The following AFM variants were observed in gnomAD, a reference collection of about 807,000 sequenced individuals.
AFM encodes the protein alpha-Alb.
AFM carries 82 observed loss-of-function variants against 68.7 expected under a neutral mutation model. That is an observed-to-expected ratio of 1.19 (90% confidence interval 1.00 to 1.43). The LOEUF (loss-of-function observed/expected upper bound fraction) is 1.43, where lower values mean the gene tolerates loss of function less well. AFM is among the 40% of genes most tolerant of loss of function. AFM has a pLI of 0.00. For missense variants in AFM, 772 were observed against 701.8 expected (o/e 1.10, Z -1.13); for synonymous variants, 250 against 234.2 (o/e 1.07, Z -0.61).
chr4:73,487,873 C>A (rs763114702), intron 6 of AFM, 52 bp downstream of exon 6: 1 of 1,288,026 alleles, frequency 7.8e-7, no homozygotes, highest in South Asian at 1.2e-5. Flanking sequence ...TTGTCTGTGT[C>A]CCATTTTTGT....
At position 73,487,747 on chromosome 4, in the gene AFM, A is replaced by G. The variant is rs1169665000; in HGVS notation, c.639A>G (p.Leu213=). Residue 213 remains leucine, a synonymous_variant, in exon 6 of 15, where the codon TTA becomes TTG. Coordinates refer to ENST00000226355, the MANE Select transcript of AFM (RefSeq NM_001133.2). The part of the protein sequence containing the change: ...QTRAIPVTQY[L]KAFSSYQKHV... Reference sequence around the variant, plus strand: ...AGGCAATACCTGTCACACAATATTTAAAAGCATTTTCTTCTTATCAAAAAC... The same window carrying G: ...AGGCAATACCTGTCACACAATATTTGAAAGCATTTTCTTCTTATCAAAAAC... The G allele has an allele frequency of 4.3e-6, 7 of 1,612,546 alleles. No homozygotes were observed. The African/African-American group carries it at 6.7e-5, about 15-fold the overall frequency.
At position 73,499,256 on chromosome 4, in the gene AFM, G is replaced by A. The variant is rs780430227; in HGVS notation, c.1422+10G>A. 3.2e-5 allele frequency: 51 copies of A among 1,594,274 alleles called. No individual in the cohort carries two copies. The South Asian group carries it at 5.7e-4, about 18-fold the overall frequency. On this transcript the variant is annotated intron_variant, in intron 11 of 14. Transcript: ENST00000226355. ...CTGTGTTGATAATTTGGTGAGCATGGCCTGTGTACCAGACTACTCTTTTTT... is the reference window on the plus strand; with the variant it reads ...CTGTGTTGATAATTTGGTGAGCATGACCTGTGTACCAGACTACTCTTTTTT...
At chr4:73,499,273 C>T in intron 11 of AFM, 27 bp downstream of exon 11, 2 of 1,418,208 alleles carry the variant, frequency 1.4e-6, no homozygotes, top group Admixed American at 2.8e-5. Context: ...TACCAGACTA[C>T]TCTTTTTTTT....
intron 8 of AFM, among the ~76,000 whole-genome samples, chr4:73,494,066 T>A (rs1008951679): frequency 6.9e-6 from 1 of 145,770 alleles, no homozygotes. Context: ...TTTAGGTGTG[T>A]GTGTGTGTGT....
chr4:73,493,385 G>A (rs984109176), intron 8 of AFM, among the ~76,000 whole-genome samples: 2 of 152,172 alleles, frequency 1.3e-5, no homozygotes, highest in African/African-American at 4.8e-5. Context: ...GGTTTTGTGA[G>A]AAAGATAATA....
At chr4:73,495,832 T>C (rs1432112664) in intron 9 of AFM, among the ~76,000 whole-genome samples, 3 of 152,234 alleles carry the variant, frequency 2.0e-5, no homozygotes, top group Non-Finnish European at 4.4e-5. Flanking sequence ...AATGATTGAT[T>C]GTTGTTGATT....
In AFM at chr4:73,488,634, A is replaced by G. The variant is rs747348661; in HGVS notation, c.718A>G (p.Ile240Val). 4 of 1,606,402 alleles carry G rather than the reference A, an allele frequency of 2.5e-6. No individual in the cohort carries two copies. The highest frequency in any genetic ancestry group is 3.4e-6 in the Non-Finnish European group (4 of 1,177,314). The change falls in exon 7 of 15, where the codon ATT becomes GTT. Residue 240 changes from isoleucine (I) to valine (V), a missense_variant. Coordinates refer to ENST00000226355, the MANE Select transcript of AFM (RefSeq NM_001133.2). ...GTTTATCAATTCTCTTTCCAGATAT[A>G]TTGCGATACTCAGTCAAAAATTCCC... ...FGTKVVHFIYIAILSQKFPKI... is the reference protein window; with the variant it reads ...FGTKVVHFIYVAILSQKFPKI...
chr4:73,502,485 G>A (rs1346446075), intron 13 of AFM, among the ~76,000 whole-genome samples: 2 of 152,164 alleles, frequency 1.3e-5, no homozygotes, highest in African/African-American at 4.8e-5. Flanking sequence ...TCGCTCCAGT[G>A]AAGGTAGTCT....
intron 7 of AFM, among the ~76,000 whole-genome samples, chr4:73,490,960 C>T (rs1224739295): frequency 6.6e-6 from 1 of 152,146 alleles, no homozygotes; most frequent in African/African-American, 2.4e-5. Flanking sequence ...TGAGCTTCAT[C>T]TTATTCCTTA....
chr4:73,499,110 T>C lies in AFM; in HGVS notation c.1290-4T>C. 2 of 1,609,220 alleles carry C rather than the reference T, an allele frequency of 1.2e-6. No homozygotes were observed. The highest frequency in any genetic ancestry group is 2.2e-5 in the South Asian group (2 of 90,226). ...CAGAACCAAACAGACAAATGTTCTT[T>C]CAGTTACCTCATCAGGCTCACGAAG... On this transcript the variant is annotated splice_polypyrimidine_tract_variant and splice_region_variant and intron_variant, in intron 10 of 14. Coordinates refer to ENST00000226355, the MANE Select transcript of AFM (RefSeq NM_001133.2).
chr4:73,495,894 G>C (rs1367553441), intron 9 of AFM, among the ~76,000 whole-genome samples: 1 of 152,038 alleles, frequency 6.6e-6, no homozygotes. Context: ...TCTCCCACTG[G>C]GAAATAGCTA....
At position 73,487,040 on chromosome 4, in the gene AFM, G is replaced by A. The variant is rs765092324; in HGVS notation, c.556G>A (p.Glu186Lys). The A allele has an allele frequency of 1.2e-6, 2 of 1,613,914 alleles. No homozygotes were observed. The highest frequency in any genetic ancestry group is 2.2e-5 in the South Asian group (2 of 91,050). Residue 186 changes from glutamate (E) to lysine (K), a missense_variant, in exon 5 of 15, where the codon GAG becomes AAG. By Grantham distance (56) the Glu-to-Lys change is moderately conservative. Transcript: ENST00000226355. Reference protein sequence around the residue: ...PTLLTVAVHFEEVAKSCCEEQ... With the variant: ...PTLLTVAVHFKEVAKSCCEEQ... ...ACTTCTAACTGTTGCTGTTCATTTT[G>A]AGGAGGTGGCCAAATCATGTTGTGA... is the stretch of plus-strand genomic sequence containing the variant.
At chr4:73,495,254 T>C (rs371333297) in intron 8 of AFM, 46 bp from the exon 9 acceptor site, 1 of 1,529,452 alleles carries the variant, frequency 6.5e-7, no homozygotes, top group Non-Finnish European at 8.8e-7. Context: ...ATTGGGTTTT[T>C]TGCTCTTTCT....
chr4:73,485,769 T>A (rs1720883066), intron 3 of AFM, 93 bp from the exon 4 acceptor site: 1 of 957,832 alleles, frequency 1.0e-6, no homozygotes, highest in Non-Finnish European at 1.6e-6. Context: ...CTGTTGGTAA[T>A]GGTGGGAAAA....
At chr4:73,499,964 T>A in intron 11 of AFM, 40 bp from the exon 12 acceptor site, 8 of 1,543,204 alleles carry the variant, frequency 5.2e-6, no homozygotes, top group Non-Finnish European at 7.2e-6. Context: ...TCCATTCAAG[T>A]TTTAAGATCG....
chr4:73,499,168 G>A lies in AFM; in HGVS notation c.1344G>A (p.Val448=), dbSNP rs988141891. 6.2e-7 allele frequency: 1 copy of A among 1,613,388 alleles called. No homozygotes were observed. The highest frequency in any genetic ancestry group is 8.5e-7 in the Non-Finnish European group (1 of 1,179,598). ...CCCAACTCTCCACTGAAGAACTGGT[G>A]TCTCTTGGCGAGAAAATGGTGACAG... is the stretch of plus-strand genomic sequence containing the variant. ...IAPQLSTEEL[V]SLGEKMVTAF... Residue 448 remains valine (V), a synonymous_variant, in exon 11 of 15, where the codon GTG becomes GTA. Transcript: ENST00000226355.
Position 73,495,434 on chromosome 4 carries a change from T to G in AFM, c.1191+2T>G, listed in dbSNP as rs533702004. The G allele has an allele frequency of 2.5e-6, 4 of 1,607,568 alleles. No homozygotes were observed. The South Asian group carries it at 3.4e-5, about 13-fold the overall frequency. ...CCTCCAGGTTGTTACCGTTACGCGG[T>G]AGGTTCCATTGTTGTAGGTTCAGAA... On this transcript the variant is annotated splice_donor_variant, in intron 9 of 14. Coordinates refer to ENST00000226355, the MANE Select transcript of AFM (RefSeq NM_001133.2). LOFTEE classifies it high-confidence loss of function.
chr4:73,487,805 A>C lies in AFM; in HGVS notation c.697A>C (p.Lys233Gln), dbSNP rs779479773. 3 of 1,603,246 alleles carry C rather than the reference A, an allele frequency of 1.9e-6. No homozygotes were observed. The highest frequency in any genetic ancestry group is 2.6e-6 in the Non-Finnish European group (3 of 1,170,414). Residue 233 changes from lysine (K) to glutamine (Q), a missense_variant, in exon 6 of 15, where the codon AAA becomes CAA. Transcript: ENST00000226355. ...TGGGGCACTTTTGAAATTTGGAACC[A>C]AAGTTGTACACTTTATGTGAGTTTT... ...VCGALLKFGT[K>Q]VVHFIYIAIL...
At chr4:73,499,716 A>G (rs923008703) in intron 11 of AFM, among the ~76,000 whole-genome samples, 2 of 152,084 alleles carry the variant, frequency 1.3e-5, no homozygotes, top group Non-Finnish European at 2.9e-5. Flanking sequence ...CGCCCCTTTC[A>G]GTTGGCTTTT....
Sources: allele counts gnomAD v4.1 joint callset (sites outside exome capture counted in the v4.1 genomes callset), GRCh38; gene constraint gnomAD v4.1.1; transcripts MANE v1.5; gene names NCBI Gene and HGNC (gene_info 2026-07-23, HGNC 2026-07-21).